BCL2L13: variants seen among roughly 807,000 people sequenced by gnomAD.
The protein encoded by BCL2L13 is bcl-2-like protein 13.
Under a neutral mutation model 25.8 loss-of-function variants are expected in BCL2L13, and 13 were observed. That is an observed-to-expected ratio of 0.50 (90% CI 0.33 to 0.80). The LOEUF (loss-of-function observed/expected upper bound fraction) is 0.80, where lower values mean the gene tolerates loss of function less well. BCL2L13 is among the 30% of genes least tolerant of loss of function. The pLI, the probability that BCL2L13 is intolerant of heterozygous loss-of-function variation, is 0.02. For synonymous variants in BCL2L13, 244 were observed against 230.3 expected (o/e 1.06, Z -0.54); for missense variants, 504 against 574.9 (o/e 0.88, Z 1.26).
At position 17,706,617 on chromosome 22, in the gene BCL2L13, C is replaced by G. The variant is rs923970726; in HGVS notation, c.600+4231C>G. The G allele has an allele frequency of 8.3e-6, 10 of 1,202,242 alleles. No individual in the cohort carries two copies. In the Admixed American group the frequency reaches 3.2e-4, roughly 39 times the overall value. 74.5% of individuals were successfully genotyped at this position (1,202,242 alleles called of 1,614,324 possible). ...GAAGAGTGTGGTTTTTTTCCCTCTC[C>G]TTAAGTCTGATCACCATTTCCTCTT... On this transcript the variant is annotated intron_variant, in intron 6 of 6. Coordinates refer to ENST00000317582, the MANE Select transcript of BCL2L13 (RefSeq NM_015367.4).
chr22:17,631,129 G>A (rs892937338), intron 1 of BCL2L13, among the ~76,000 whole-genome samples: 1 of 149,562 alleles, frequency 6.7e-6, no homozygotes, highest in Admixed American at 6.7e-5. Flanking sequence ...TGAGACAGAA[G>A]AGTGTCGCTC....
chr22:17,727,655 C>A lies in BCL2L13; in HGVS notation c.*121C>A. 1 of 1,365,090 alleles carries A rather than the reference C, an allele frequency of 7.3e-7. No homozygotes were observed. The highest frequency in any genetic ancestry group is 9.9e-7 in the Non-Finnish European group (1 of 1,005,352). 84.6% of individuals were successfully genotyped at this position (1,365,090 alleles called of 1,614,324 possible). A position where few individuals can be genotyped will look rare whatever the true frequency, so the allele number is the denominator to read the frequency against. ...ACTCTGGGATAATTGGGGACTTCTGCTCAACATGGCAGTGGCATGTTAGGC... is the reference window on the plus strand; with the variant it reads ...ACTCTGGGATAATTGGGGACTTCTGATCAACATGGCAGTGGCATGTTAGGC... On this transcript the variant is annotated 3_prime_UTR_variant, in exon 7 of 7. Coordinates refer to ENST00000317582, the MANE Select transcript of BCL2L13 (RefSeq NM_015367.4).
intron 6 of BCL2L13, among the ~76,000 whole-genome samples, chr22:17,722,880 GT>G (rs2061186270): frequency 6.6e-6 from 1 of 152,036 alleles, no homozygotes; most frequent in African/African-American, 2.4e-5. Context: ...ATACTTTGTA[GT>G]TTTTTATGTA....
chr22:17,648,780 A>G (rs713701), intron 1 of BCL2L13, among the ~76,000 whole-genome samples: 78,031 of 151,950 alleles, frequency 0.51, 20,749 homozygotes, highest in East Asian at 0.84. Context: ...ATCAGGTTTT[A>G]TAAGAAAATT....
chr22:17,649,255 G>A (rs1211370463), intron 1 of BCL2L13, among the ~76,000 whole-genome samples: 1 of 152,076 alleles, frequency 6.6e-6, no homozygotes, highest in African/African-American at 2.4e-5. Context: ...ACGCCACCAT[G>A]CCTGGCTAAT....
chr22:17,728,793 T>C lies in BCL2L13; in HGVS notation c.*1259T>C, dbSNP rs1171338328. ...TTCAGAGTTCAAGAGTGGTGGCATC[T>C]TCACCTGAATTCTTCAATGCCAGGG... On this transcript the variant is annotated 3_prime_UTR_variant, in exon 7 of 7. Coordinates refer to ENST00000317582, the MANE Select transcript of BCL2L13 (RefSeq NM_015367.4). 2.0e-5 allele frequency: 3 copies of C among 152,262 alleles called. No homozygotes were observed. Among genetic ancestry groups the C allele is most frequent in the African/African-American group, 7.2e-5 (3 of 41,472 alleles). The allele number at this position is 152,262 out of a possible 1,614,324, so 9.4% of individuals were successfully genotyped here.
intron 1 of BCL2L13, among the ~76,000 whole-genome samples, chr22:17,629,818 T>TACACACACACACACACACAC (rs3044578): frequency 2.0e-5 from 3 of 148,074 alleles, no homozygotes; most frequent in African/African-American, 7.5e-5. Flanking sequence ...TTTATTTTCA[T>TACACACACACACACACACAC]ACACACACAC....
chr22:17,700,718 C>A (rs1232766525), intron 5 of BCL2L13, among the ~76,000 whole-genome samples: 2 of 152,158 alleles, frequency 1.3e-5, no homozygotes, highest in East Asian at 1.9e-4. Flanking sequence ...CTATACTACT[C>A]CATCATTGTT....
At chr22:17,685,841 G>A (rs1201571510) in intron 3 of BCL2L13, among the ~76,000 whole-genome samples, 15 of 130,752 alleles carry the variant, frequency 1.1e-4, no homozygotes, top group South Asian at 4.8e-4. Context: ...GCGGGATCTC[G>A]ACTCACTGCA....
rs571708166 is a variant in BCL2L13 at position 17,723,240 on chromosome 22, C to T, written c.601-3437C>T. ...TTCTGGACCATTCCAGTGGTCCTTA[C>T]CCTGAGGCTGGGGCAAGCTGTCATC... On this transcript the variant is annotated intron_variant, in intron 6 of 6. Coordinates refer to ENST00000317582, the MANE Select transcript of BCL2L13 (RefSeq NM_015367.4). Among the ~76,000 whole-genome samples the T allele has an allele frequency of 5.6e-4, 86 of 152,288 alleles. No homozygotes were observed. The Middle Eastern group carries it at 0.01, about 18-fold the overall frequency.
chr22:17,637,007 G>A (rs71328228), upstream of BCL2L13, among the ~76,000 whole-genome samples: 19,475 of 151,650 alleles, frequency 0.13, 1,682 homozygotes, highest in Non-Finnish European at 0.19. Flanking sequence ...GCGCGGTGGC[G>A]CACCCCTGTA....
At chr22:17,655,889 A>G in intron 2 of BCL2L13, 57 bp downstream of exon 2, 1 of 1,471,256 alleles carries the variant, frequency 6.8e-7, no homozygotes, top group Non-Finnish European at 9.2e-7. Flanking sequence ...TTTATATATA[A>G]AAGTATATGT....
chr22:17,642,163 C>T (rs1440475605), intron 1 of BCL2L13, among the ~76,000 whole-genome samples: 1 of 121,686 alleles, frequency 8.2e-6, no homozygotes, highest in Non-Finnish European at 1.6e-5. Flanking sequence ...GACGGAGTCT[C>T]ACTGTCGCCA....
At chr22:17,652,909 C>T (rs1177160475) in intron 1 of BCL2L13, among the ~76,000 whole-genome samples, 2 of 151,444 alleles carry the variant, frequency 1.3e-5, no homozygotes, top group Non-Finnish European at 2.9e-5. Flanking sequence ...CTAAAAAATA[C>T]AAAAAATTAG....
chr22:17,648,659 T>C (rs1253271215), intron 1 of BCL2L13, among the ~76,000 whole-genome samples: 1 of 152,164 alleles, frequency 6.6e-6, no homozygotes, highest in Non-Finnish European at 1.5e-5. Flanking sequence ...TTTAAATGAA[T>C]AAATATAATC....
At position 17,638,779 on chromosome 22, in the gene BCL2L13, G is replaced by A. The variant is rs1406747062; in HGVS notation, c.-158G>A. ...CTCACCCTCCAACATGGCGGCGGCG[G>A]TAGATTAGGGCCGCGGGTCGGAGCA... On this transcript the variant is annotated 5_prime_UTR_variant, in exon 1 of 7. Coordinates refer to ENST00000317582, the MANE Select transcript of BCL2L13 (RefSeq NM_015367.4). The A allele has an allele frequency of 1.6e-6, 2 of 1,231,586 alleles. No homozygotes were observed. The highest frequency in any genetic ancestry group is 1.6e-5 in the African/African-American group (1 of 64,426). The allele number at this position is 1,231,586 out of a possible 1,614,324, so 76.3% of individuals were successfully genotyped here. A position where few individuals can be genotyped will look rare whatever the true frequency, so the allele number is the denominator to read the frequency against.
intron 1 of BCL2L13, among the ~76,000 whole-genome samples, chr22:17,649,703 A>T (rs2058612215): frequency 6.6e-6 from 1 of 150,930 alleles, no homozygotes; most frequent in Non-Finnish European, 1.5e-5. Context: ...GGGTTTCACC[A>T]TGTTGGCCAG....
intron 2 of BCL2L13, among the ~76,000 whole-genome samples, chr22:17,675,349 A>C (rs1049935729): frequency 1.3e-5 from 2 of 152,228 alleles, no homozygotes; most frequent in African/African-American, 2.4e-5. Context: ...TACAATTCAA[A>C]CCTTGTAGAA....
chr22:17,713,844 C>G (rs898211297), intron 6 of BCL2L13, among the ~76,000 whole-genome samples: 1 of 150,850 alleles, frequency 6.6e-6, no homozygotes, highest in African/African-American at 2.4e-5. Flanking sequence ...ACTGTCTATA[C>G]AAAGAAAAAA....
Sources: gnomAD v4.1 joint callset for allele counts (sites outside exome capture counted in the v4.1 genomes callset) on GRCh38, gnomAD v4.1.1 for gene constraint, MANE v1.5 for transcripts, NCBI Gene and HGNC (gene_info 2026-07-23, HGNC 2026-07-21) for gene names.